The following SLC45A4 variants were observed in gnomAD, a reference collection of about 807,000 sequenced individuals.
SLC45A4 encodes solute carrier family 45 member 4, also known as polyamine-transporter SLC45A4.
Under a neutral mutation model 63.7 loss-of-function variants are expected in SLC45A4, and 32 were observed. The observed-to-expected ratio is 0.50, with a 90% CI of 0.38 to 0.67. SLC45A4 has a LOEUF of 0.67. Among genes scored for constraint, SLC45A4 ranks in the 30% least tolerant of loss-of-function variants. The probability of loss-of-function intolerance (pLI) is 0.00; values close to 1 mark genes in which losing one functional copy is unlikely to be tolerated. For missense variants in SLC45A4, 1,027 were observed against 1,157.7 expected (o/e 0.89, Z 1.64); for synonymous variants, 535 against 510.0 (o/e 1.05, Z -0.66).
At chr8:141,236,546 A>G (rs908868641) in intron 2 of SLC45A4, among the ~76,000 whole-genome samples, 1 of 152,346 alleles carries the variant, frequency 6.6e-6, no homozygotes, top group African/African-American at 2.4e-5. Context: ...TCCTATTAAC[A>G]TACTATTGAC....
At chr8:141,223,896 G>A (rs1461821157) in intron 2 of SLC45A4, among the ~76,000 whole-genome samples, 1 of 152,158 alleles carries the variant, frequency 6.6e-6, no homozygotes, top group Admixed American at 6.5e-5. Flanking sequence ...AACACTAGCT[G>A]ACCTGAACCA....
chr8:141,230,979 C>T (rs763434730), intron 2 of SLC45A4, among the ~76,000 whole-genome samples: 7 of 152,170 alleles, frequency 4.6e-5, no homozygotes, highest in Admixed American at 4.6e-4. Flanking sequence ...GCGGCAACAG[C>T]GTGTGACACC....
rs116066028 is a variant in SLC45A4 at position 141,227,950 on chromosome 8, T to A, written c.242-6185A>T. The stretch of plus-strand genomic sequence containing the variant: ...TGAACCCTGTGGGAGAATCTGGCAT[T>A]GAAGGGCCGGGGACAATAAGTTCCC... On this transcript the variant is annotated intron_variant, in intron 2 of 8. Coordinates refer to ENST00000517878, the MANE Select transcript of SLC45A4 (RefSeq NM_001286646.2). This position sits in a 1 kb window ranked among gnomAD's most constrained non-coding sequence, Gnocchi z 4.4. Among the ~76,000 whole-genome samples, 578 of 152,188 alleles carry A rather than the reference T, an allele frequency of 3.8e-3. 6 individuals carry two copies. The highest frequency in any genetic ancestry group is 0.013 in the African/African-American group (546 of 41,532).
intron 2 of SLC45A4, among the ~76,000 whole-genome samples, chr8:141,223,784 C>A (rs369899462): frequency 6.6e-6 from 1 of 152,210 alleles, no homozygotes; most frequent in African/African-American, 2.4e-5. Context: ...CATGCACTCA[C>A]GAGAGACCGT....
At chr8:141,225,566 AGAG>A (rs201172082) in intron 2 of SLC45A4, 1,759 of 152,840 alleles carry the variant, frequency 0.012, 31 homozygotes, top group African/African-American at 0.038. Context: ...CACCTAATCT[AGAG>A]GAGGCGCTGC....
intron 1 of SLC45A4, among the ~76,000 whole-genome samples, chr8:141,276,585 G>A (rs1473355562): frequency 2.6e-5 from 4 of 152,158 alleles, no homozygotes. Flanking sequence ...ATTCCTCCAG[G>A]ATCCTTGGCG....
rs1315699109 is a variant in SLC45A4, at chr8:141,218,015, G to A, written c.1625C>T (p.Pro542Leu). Reference protein sequence around the residue: ...FMGQVIFEGDPKAPSNSTAWQ... With the variant: ...FMGQVIFEGDLKAPSNSTAWQ... The stretch of plus-strand genomic sequence containing the variant: ...CTCCGGTGGCCGAGCACTCACCTTG[G>A]GGTCGCCTTCGAAGATGACCTGGCC... The change falls in exon 5 of 9, where the codon CCC becomes CTC. Residue 542 changes from proline (P) to leucine (L), a missense_variant. Coordinates refer to ENST00000517878, the MANE Select transcript of SLC45A4 (RefSeq NM_001286646.2). 6.3e-7 allele frequency: 1 copy of A among 1,599,010 alleles called. No individual in the cohort carries two copies. Among genetic ancestry groups the A allele is most frequent in the African/African-American group, 1.3e-5 (1 of 74,612 alleles).
At position 141,250,836 on chromosome 8, in the gene SLC45A4, C is replaced by T. The variant is rs79000404; in HGVS notation, c.241+3153G>A. ...CAAGTTGAGGAGCATCTGTATTTGT[C>T]CTCCTAAATTATCTAAAATCTATAC... On this transcript the variant is annotated intron_variant, in intron 2 of 8. Transcript: ENST00000517878. 5.5e-3 allele frequency among the ~76,000 whole-genome samples: 840 copies of T among 151,830 alleles called. 7 individuals carry two copies. The highest frequency in any genetic ancestry group is 0.019 in the African/African-American group (781 of 41,144).
intron 1 of SLC45A4, among the ~76,000 whole-genome samples, chr8:141,307,461 CG>C (rs1371006978): frequency 6.6e-6 from 1 of 151,308 alleles, no homozygotes; most frequent in Admixed American, 6.6e-5. Flanking sequence ...GGGTCCGAGG[CG>C]GGGGACACTG....
intron 1 of SLC45A4, among the ~76,000 whole-genome samples, chr8:141,268,402 C>A (rs554621418): frequency 6.6e-6 from 1 of 152,314 alleles, no homozygotes; most frequent in Admixed American, 6.5e-5. Context: ...TGCCAACCTA[C>A]TGGAGCTACA....
intron 2 of SLC45A4, among the ~76,000 whole-genome samples, chr8:141,247,454 A>G (rs1341816881): frequency 6.6e-6 from 1 of 152,256 alleles, no homozygotes; most frequent in African/African-American, 2.4e-5. Context: ...AGGACTCGAA[A>G]TTAAGATGTC....
intron 2 of SLC45A4, among the ~76,000 whole-genome samples, chr8:141,240,957 A>AG (rs1162044166): frequency 1.3e-5 from 2 of 152,044 alleles, no homozygotes; most frequent in Non-Finnish European, 2.9e-5. Flanking sequence ...GATCCATGGG[A>AG]GGGGGAGTAT....
rs3739238 is a variant in SLC45A4, at chr8:141,212,346, T to C, written c.2152A>G (p.Asn718Asp). ...TCCTCCTTGGCCTCCTCTGACACGT[T>C]GGGATAGATCACCAGGAATGTGGCC... ...LTATFLVIYP[N>D]VSEEAKEEQK... Residue 718 changes from asparagine to aspartate, a missense_variant, in exon 8 of 9, where the codon AAC becomes GAC. Physicochemically the swap from Asn to Asp is conservative, Grantham distance 23 (BLOSUM62 1). Coordinates refer to ENST00000517878, the MANE Select transcript of SLC45A4 (RefSeq NM_001286646.2). 979,680 of 1,613,192 alleles carry C rather than the reference T, an allele frequency of 0.61. 301,295 individuals are homozygous for C. Among genetic ancestry groups the C allele is most frequent in the East Asian group, 0.82 (37,007 of 44,862 alleles).
At chr8:141,288,127 T>G (rs55809739) in intron 1 of SLC45A4, among the ~76,000 whole-genome samples, 17,461 of 152,104 alleles carry the variant, frequency 0.11, 1,611 homozygotes, top group East Asian at 0.43. Context: ...CAATGAACCA[T>G]GATCCTGCCA....
At position 141,210,723 on chromosome 8, in the gene SLC45A4, A is replaced by G. The variant is rs1010842970; in HGVS notation, c.*849T>C. The G allele has an allele frequency of 1.3e-5, 2 of 152,224 alleles. No individual in the cohort carries two copies. The highest frequency in any genetic ancestry group is 2.9e-5 in the Non-Finnish European group (2 of 68,032). 9.4% of individuals were successfully genotyped at this position (152,224 alleles called of 1,614,324 possible). On this transcript the variant is annotated 3_prime_UTR_variant, in exon 9 of 9. Coordinates refer to ENST00000517878, the MANE Select transcript of SLC45A4 (RefSeq NM_001286646.2). ...TCATATTGCAGCATGATTCTCATGCATTTCAAAGTACTTTATTTAAAAAAC... is the reference window on the plus strand; with the variant it reads ...TCATATTGCAGCATGATTCTCATGCGTTTCAAAGTACTTTATTTAAAAAAC...
chr8:141,230,108 C>T (rs796980530), intron 2 of SLC45A4: 5 of 456,140 alleles, frequency 1.1e-5, no homozygotes, highest in Admixed American at 4.7e-5. Flanking sequence ...TGTCAGAGGC[C>T]GCATTAGACT....
chr8:141,278,842 C>T lies in SLC45A4; in HGVS notation c.-400-24213G>A, dbSNP rs141894990. Reference sequence around the variant, plus strand: ...GACCTGCTGGGGGCATCCTTTGCCCCGGGCTCTGTCCCTACTGCCCCCAGG... The same window carrying T: ...GACCTGCTGGGGGCATCCTTTGCCCTGGGCTCTGTCCCTACTGCCCCCAGG... On this transcript the variant is annotated intron_variant, in intron 1 of 8. Transcript: ENST00000517878. The surrounding 1 kb of genome is among the most constrained non-coding windows in gnomAD (Gnocchi z 4.1). 5.7e-3 allele frequency among the ~76,000 whole-genome samples: 867 copies of T among 152,364 alleles called. 11 individuals are homozygous for T. Among genetic ancestry groups the T allele is most frequent in the African/African-American group, 0.02 (831 of 41,580 alleles).
intron 1 of SLC45A4, among the ~76,000 whole-genome samples, chr8:141,297,654 A>G (rs13267170): frequency 0.14 from 21,047 of 152,156 alleles, 1,753 homozygotes; most frequent in Non-Finnish European, 0.19. Context: ...CCAACCCGGG[A>G]CTGACAGCCC....
At chr8:141,297,354 C>G (rs921486579) in intron 1 of SLC45A4, among the ~76,000 whole-genome samples, 1 of 152,116 alleles carries the variant, frequency 6.6e-6, no homozygotes, top group Non-Finnish European at 1.5e-5. Flanking sequence ...GCCTAAGGCC[C>G]GCTAAGCCGA....
Sources: allele counts gnomAD v4.1 joint callset (sites outside exome capture counted in the v4.1 genomes callset), GRCh38; gene constraint gnomAD v4.1.1; non-coding constraint Gnocchi (gnomAD v3.1); transcripts MANE v1.5; gene names NCBI Gene and HGNC (gene_info 2026-07-23, HGNC 2026-07-21).